AJAP1: variants seen among roughly 807,000 people sequenced by gnomAD.
AJAP1 encodes adherens junction-associated protein 1.
AJAP1 carries 5 observed loss-of-function variants against 35.0 expected under a neutral mutation model. That is an observed-to-expected ratio of 0.14 (90% CI 0.07 to 0.30). AJAP1 has a LOEUF of 0.30. Ranked by LOEUF, AJAP1 falls within the 10% of genes least tolerant of loss-of-function variation. The probability of loss-of-function intolerance (pLI) is 1.00; values close to 1 mark genes in which losing one functional copy is unlikely to be tolerated. For synonymous variants in AJAP1, 284 were observed against 249.3 expected (o/e 1.14, Z -1.31); for missense variants, 586 against 571.0 (o/e 1.03, Z -0.27).
At position 4,787,204 on chromosome 1, in the gene AJAP1, G is replaced by A. The variant is rs1401095621; in HGVS notation, c.*4719G>A. ...GCAAGATGGGCACAGTTATGGCCTT[G>A]TGGGCTTTATATTCTACAGTGGGAG... On this transcript the variant is annotated 3_prime_UTR_variant, in exon 6 of 6. Coordinates refer to ENST00000378191, the MANE Select transcript of AJAP1 (RefSeq NM_018836.4). The A allele has an allele frequency of 1.3e-5, 2 of 157,448 alleles. No homozygotes were observed. The highest frequency in any genetic ancestry group is 2.4e-5 in the African/African-American group (1 of 41,512). The allele number at this position is 157,448 out of a possible 1,614,324, so 9.8% of individuals were successfully genotyped here. A position where few individuals can be genotyped will look rare whatever the true frequency, so the allele number is the denominator to read the frequency against.
chr1:4,703,648 G>C (rs1410361163), intron 1 of AJAP1, among the ~76,000 whole-genome samples: 2 of 152,160 alleles, frequency 1.3e-5, no homozygotes, highest in African/African-American at 2.4e-5. Context: ...GCGAGCGGGA[G>C]GTTAGGATGC....
At chr1:4,754,183 G>T (rs973098823) in intron 2 of AJAP1, among the ~76,000 whole-genome samples, 1 of 152,110 alleles carries the variant, frequency 6.6e-6, no homozygotes, top group Non-Finnish European at 1.5e-5. Context: ...AAAGGATAAC[G>T]GTTTGCAACA....
chr1:4,725,182 C>T (rs541222201), intron 2 of AJAP1, among the ~76,000 whole-genome samples: 21 of 152,134 alleles, frequency 1.4e-4, no homozygotes, highest in Non-Finnish European at 2.5e-4. Flanking sequence ...CCTCTGACCC[C>T]GGCAGAGGAG....
rs1201644101 is a variant in AJAP1, at chr1:4,693,206, GC to G, written c.30-18691del. The stretch of plus-strand genomic sequence containing the variant: ...GCCCCATGCTGCCCAGGATTCAAAG[GC>G]CCACCCGAGTGGGGAGGCGCCCATG... On this transcript the variant is annotated intron_variant, in intron 1 of 5. Coordinates refer to ENST00000378191, the MANE Select transcript of AJAP1 (RefSeq NM_018836.4). This position sits in a 1 kb window ranked among gnomAD's most constrained non-coding sequence, Gnocchi z 4.4. Among the ~76,000 whole-genome samples the G allele has an allele frequency of 6.6e-6, 1 of 152,120 alleles. No homozygotes were observed. Among genetic ancestry groups the G allele is most frequent in the East Asian group, 1.9e-4 (1 of 5,160 alleles).
intron 2 of AJAP1, among the ~76,000 whole-genome samples, chr1:4,744,937 CG>C (rs1010278901): frequency 2.6e-5 from 4 of 152,026 alleles, no homozygotes; most frequent in African/African-American, 9.7e-5. Context: ...GGCCCGGATT[CG>C]GGGCTGGGAG....
chr1:4,673,399 T>C (rs1206018177), intron 1 of AJAP1, among the ~76,000 whole-genome samples: 3 of 152,192 alleles, frequency 2.0e-5, no homozygotes, highest in African/African-American at 4.8e-5. Flanking sequence ...CCTTCATCCC[T>C]CTTTCTCTGT....
At position 4,712,308 on chromosome 1, in the gene AJAP1, G is replaced by C; in HGVS notation, c.438G>C (p.Pro146=). ...SSSSAVAGGA[P]EQQALLRRGK... ...CCTCCGCGGTGGCCGGTGGGGCCCC[G>C]GAGCAGCAGGCCCTCCTGAGGAGGG... Residue 146 remains proline, a synonymous_variant, in exon 2 of 6, where the codon CCG becomes CCC. Coordinates refer to ENST00000378191, the MANE Select transcript of AJAP1 (RefSeq NM_018836.4). The C allele has an allele frequency of 6.7e-7, 1 of 1,488,224 alleles. No homozygotes were observed. The highest frequency in any genetic ancestry group is 8.9e-7 in the Non-Finnish European group (1 of 1,119,812). The allele number at this position is 1,488,224 out of a possible 1,614,324, so 92.2% of individuals were successfully genotyped here.
chr1:4,726,716 C>A (rs937081864), intron 2 of AJAP1, among the ~76,000 whole-genome samples: 1 of 152,156 alleles, frequency 6.6e-6, no homozygotes, highest in Non-Finnish European at 1.5e-5. Flanking sequence ...CAGGAAGCTG[C>A]CTTCAGAAGC....
intron 2 of AJAP1, among the ~76,000 whole-genome samples, chr1:4,742,933 C>G (rs1570181367): frequency 6.6e-6 from 1 of 152,276 alleles, no homozygotes. Context: ...GACGACTGAC[C>G]GACCCACTGG....
intron 3 of AJAP1, 107 bp from the exon 4 acceptor site, chr1:4,772,173 G>A: frequency 7.1e-7 from 1 of 1,409,958 alleles, no homozygotes; most frequent in Non-Finnish European, 9.8e-7. Context: ...ATGAAATGAT[G>A]CGTAGCTCAC....
In AJAP1 at chr1:4,791,298, C is replaced by A. The variant is rs1294223934; in HGVS notation, c.*8813C>A. On this transcript the variant is annotated 3_prime_UTR_variant, in exon 6 of 6. Transcript: ENST00000378191. Reference sequence around the variant, plus strand: ...ACATTGAATGAAGCTTGAGGCCATGCATTGATAACATTTTTAGAGTCTGTT... The same window carrying A: ...ACATTGAATGAAGCTTGAGGCCATGAATTGATAACATTTTTAGAGTCTGTT... 1.3e-5 allele frequency: 2 copies of A among 152,190 alleles called. No homozygotes were observed. Among genetic ancestry groups the A allele is most frequent in the South Asian group, 4.1e-4 (2 of 4,824 alleles). 9.4% of individuals were successfully genotyped at this position (152,190 alleles called of 1,614,324 possible).
chr1:4,788,563 G>A lies in AJAP1; in HGVS notation c.*6078G>A, dbSNP rs1447988656. The A allele has an allele frequency of 6.6e-6, 1 of 152,216 alleles. No individual in the cohort carries two copies. 9.4% of individuals were successfully genotyped at this position (152,216 alleles called of 1,614,324 possible). A position where few individuals can be genotyped will look rare whatever the true frequency, so the allele number is the denominator to read the frequency against. ...TGCTGAAGGGCCCTTGGGAACATGG[G>A]AACATTTGCACTTTGTCAGAGGAGT... On this transcript the variant is annotated 3_prime_UTR_variant, in exon 6 of 6. Coordinates refer to ENST00000378191, the MANE Select transcript of AJAP1 (RefSeq NM_018836.4).
At chr1:4,700,124 G>A (rs963491956) in intron 1 of AJAP1, among the ~76,000 whole-genome samples, 5 of 152,156 alleles carry the variant, frequency 3.3e-5, no homozygotes, top group African/African-American at 9.7e-5. Flanking sequence ...GCCATGTCAC[G>A]TGGTGCCAGG....
At chr1:4,756,168 G>A (rs1178081713) in intron 2 of AJAP1, among the ~76,000 whole-genome samples, 3 of 152,162 alleles carry the variant, frequency 2.0e-5, no homozygotes, top group Non-Finnish European at 4.4e-5. Flanking sequence ...CTGCATCAGT[G>A]AGCAAGCACC....
At chr1:4,769,022 T>C (rs1427039898) in intron 2 of AJAP1, among the ~76,000 whole-genome samples, 3 of 152,184 alleles carry the variant, frequency 2.0e-5, no homozygotes, top group African/African-American at 7.2e-5. Context: ...TCTGCCATCG[T>C]GCATGTGGGT....
intron 1 of AJAP1, among the ~76,000 whole-genome samples, chr1:4,669,435 G>A (rs903462968): frequency 1.1e-4 from 16 of 152,208 alleles, no homozygotes; most frequent in Admixed American, 4.6e-4. Context: ...AGGCAAAGGA[G>A]AAGCAGGCAC....
intron 1 of AJAP1, among the ~76,000 whole-genome samples, chr1:4,674,855 C>T (rs966028071): frequency 6.6e-6 from 1 of 152,206 alleles, no homozygotes; most frequent in African/African-American, 2.4e-5. Context: ...TCTGCACGCG[C>T]CTATTTCTGT....
chr1:4,751,103 G>T, intron 2 of AJAP1, among the ~76,000 whole-genome samples: 1 of 151,916 alleles, frequency 6.6e-6, no homozygotes, highest in East Asian at 1.9e-4. Context: ...AGTGCCTCTC[G>T]CTCCCCTGGC....
intron 2 of AJAP1, among the ~76,000 whole-genome samples, chr1:4,733,952 C>T (rs904255609): frequency 2.0e-5 from 3 of 151,412 alleles, no homozygotes; most frequent in African/African-American, 4.9e-5. Flanking sequence ...GAGGTGGGGG[C>T]GGGGGGAGCT....
Sources: allele counts gnomAD v4.1 joint callset (sites outside exome capture counted in the v4.1 genomes callset), GRCh38; gene constraint gnomAD v4.1.1; non-coding constraint Gnocchi (gnomAD v3.1); transcripts MANE v1.5; gene names NCBI Gene and HGNC (gene_info 2026-07-23, HGNC 2026-07-21).